The following MYOM1 variants were observed in gnomAD, a reference collection of about 807,000 sequenced individuals.
The protein encoded by MYOM1 is myomesin 1.
In MYOM1, 164 loss-of-function variants were observed where a neutral mutation model predicts 205.3. The ratio of observed to expected loss-of-function variants is 0.80; its 90% CI spans 0.70 to 0.91. The LOEUF (loss-of-function observed/expected upper bound fraction) is 0.91. Ranked by LOEUF, MYOM1 falls within the 40% of genes least tolerant of loss-of-function variation. The pLI, the probability that MYOM1 is intolerant of heterozygous loss-of-function variation, is 0.00. For synonymous variants in MYOM1, 772 were observed against 789.4 expected (o/e 0.98, Z 0.37); for missense variants, 2,011 against 2,127.3 (o/e 0.95, Z 1.08).
intron 11 of MYOM1, among the ~76,000 whole-genome samples, chr18:3,153,214 G>A (rs573356921): frequency 9.2e-4 from 140 of 152,266 alleles, no homozygotes; most frequent in African/African-American, 2.8e-3. Flanking sequence ...GACACTTTCC[G>A]CAGCACGTTG....
rs398041147 is a variant in MYOM1 at position 3,085,229 on chromosome 18, C to CTT, written c.4252-99_4252-98dup. The CTT allele has an allele frequency of 9.1e-5, 12 of 131,658 alleles. 1 individual carries two copies. The highest frequency in any genetic ancestry group is 2.1e-4 in the African/African-American group (3 of 13,984). 8.2% of individuals were successfully genotyped at this position (131,658 alleles called of 1,614,324 possible). On this transcript the variant is annotated intron_variant, in intron 30 of 37. Coordinates refer to ENST00000356443, the MANE Select transcript of MYOM1 (RefSeq NM_003803.4). ...TCTTCTGCTTCTTCTGCTGCTGCTGCTTTTTTTTTTTTTTTTTTTTTTTTT... is the reference window on the plus strand; with the variant it reads ...TCTTCTGCTTCTTCTGCTGCTGCTGCTTTTTTTTTTTTTTTTTTTTTTTTTTT...
At chr18:3,206,134 C>T (rs1409278591) in intron 2 of MYOM1, among the ~76,000 whole-genome samples, 1 of 152,210 alleles carries the variant, frequency 6.6e-6, no homozygotes, top group Non-Finnish European at 1.5e-5. Context: ...CGTGGAAGAG[C>T]TGGACATTCA....
intron 2 of MYOM1, among the ~76,000 whole-genome samples, chr18:3,199,045 T>C (rs1446164937): frequency 6.6e-6 from 1 of 152,158 alleles, no homozygotes; most frequent in South Asian, 2.1e-4. Context: ...GAATTCGCTA[T>C]TCATAGAACA....
Position 3,100,435 on chromosome 18 carries a change from CA to C in MYOM1, c.3576-10del. On this transcript the variant is annotated splice_polypyrimidine_tract_variant and intron_variant, in intron 23 of 37. Coordinates refer to ENST00000356443, the MANE Select transcript of MYOM1 (RefSeq NM_003803.4). ...TGAAGGTCATTTTCGTCCTTCGGAA[CA>C]AAATATTTTTCTTAGAAATGAGGCT... 6.2e-7 allele frequency: 1 copy of C among 1,602,828 alleles called. No individual in the cohort carries two copies. The highest frequency in any genetic ancestry group is 8.5e-7 in the Non-Finnish European group (1 of 1,171,026).
chr18:3,124,340 G>A (rs917852929), intron 19 of MYOM1, among the ~76,000 whole-genome samples: 7 of 130,424 alleles, frequency 5.4e-5, no homozygotes, highest in East Asian at 4.3e-4. Flanking sequence ...TCACTCTGTC[G>A]CCCAGGCTGG....
chr18:3,123,330 T>C (rs763687837), intron 19 of MYOM1, among the ~76,000 whole-genome samples: 3 of 152,200 alleles, frequency 2.0e-5, no homozygotes, highest in Non-Finnish European at 4.4e-5. Flanking sequence ...AATAATTATA[T>C]GTGAAATCAA....
At position 3,152,622 on chromosome 18, in the gene MYOM1, A is replaced by C. The variant is rs1168671067; in HGVS notation, c.1644-729T>G. On this transcript the variant is annotated intron_variant, in intron 11 of 37. Coordinates refer to ENST00000356443, the MANE Select transcript of MYOM1 (RefSeq NM_003803.4). The surrounding 1 kb of genome is among the most constrained non-coding windows in gnomAD (Gnocchi z 4.3). ...CAGCTCATATCATGCTGTTGGCCTGATCAACAAAGCTTTAGGGGTTCAACA... is the reference window on the plus strand; with the variant it reads ...CAGCTCATATCATGCTGTTGGCCTGCTCAACAAAGCTTTAGGGGTTCAACA... 6.6e-6 allele frequency among the ~76,000 whole-genome samples: 1 copy of C among 152,170 alleles called. No homozygotes were observed. Among genetic ancestry groups the C allele is most frequent in the Non-Finnish European group, 1.5e-5 (1 of 68,022 alleles).
intron 14 of MYOM1, among the ~76,000 whole-genome samples, chr18:3,138,088 G>A (rs1439289255): frequency 1.3e-5 from 2 of 152,168 alleles, no homozygotes; most frequent in Non-Finnish European, 2.9e-5. Context: ...AATGAAGGAC[G>A]TGGTGTATAT....
In MYOM1 at chr18:3,116,512, G is replaced by A; in HGVS notation, c.3122C>T (p.Pro1041Leu). 2.0e-6 allele frequency: 3 copies of A among 1,528,466 alleles called. No homozygotes were observed. Among genetic ancestry groups the A allele is most frequent in the Non-Finnish European group, 2.6e-6 (3 of 1,134,356 alleles). 94.7% of individuals were successfully genotyped at this position (1,528,466 alleles called of 1,614,324 possible). ...TTCACTACACTTGAGACTGTGCGGTGGTCCTGAGAGAGAGAGAAGCCAATG... is the reference window on the plus strand; with the variant it reads ...TTCACTACACTTGAGACTGTGCGGTAGTCCTGAGAGAGAGAGAAGCCAATG... ...CEEWTIAVPG[P>L]PHSLKCSEVR... The change falls in exon 21 of 38, where the codon CCA becomes CTA. Residue 1041 changes from proline (P) to leucine (L), a missense_variant. Coordinates refer to ENST00000356443, the MANE Select transcript of MYOM1 (RefSeq NM_003803.4).
intron 20 of MYOM1, among the ~76,000 whole-genome samples, chr18:3,118,561 TG>T (rs2079639640): frequency 6.6e-6 from 1 of 152,056 alleles, no homozygotes; most frequent in Non-Finnish European, 1.5e-5. Flanking sequence ...CTTGAACCCC[TG>T]GGCTCAGGCA....
At chr18:3,170,468 T>G (rs1214378138) in intron 8 of MYOM1, among the ~76,000 whole-genome samples, 1 of 152,178 alleles carries the variant, frequency 6.6e-6, no homozygotes, top group Non-Finnish European at 1.5e-5. Context: ...TTAAAATAAG[T>G]TGCTTCAGTT....
At chr18:3,142,283 G>T (rs759823830) in intron 13 of MYOM1, among the ~76,000 whole-genome samples, 11 of 151,822 alleles carry the variant, frequency 7.2e-5, no homozygotes, top group Non-Finnish European at 1.3e-4. Context: ...TGGAGGGGGG[G>T]AAGGGTTTCA....
the MYOM1 span, among the ~76,000 whole-genome samples, chr18:3,231,867 T>G: frequency 7.1e-6 from 1 of 140,598 alleles, no homozygotes; most frequent in African/African-American, 2.6e-5. Context: ...TTTTTTTTTT[T>G]TAGTTAATTG....
the MYOM1 span, chr18:3,246,753 C>T: frequency 1.3e-5 from 2 of 152,302 alleles, no homozygotes; most frequent in Non-Finnish European, 2.9e-5. Context: ...CCACGGGAGC[C>T]ACACTGGTCA....
chr18:3,194,277 T>C (rs1193577348), intron 2 of MYOM1, among the ~76,000 whole-genome samples: 2 of 152,220 alleles, frequency 1.3e-5, no homozygotes, highest in Non-Finnish European at 2.9e-5. Flanking sequence ...TAATGTCATG[T>C]TGGAAATTTA....
At chr18:3,200,127 C>A (rs1431522920) in intron 2 of MYOM1, among the ~76,000 whole-genome samples, 1 of 152,080 alleles carries the variant, frequency 6.6e-6, no homozygotes, top group African/African-American at 2.4e-5. Context: ...TGAGATCACA[C>A]CACTGCACTC....
intron 21 of MYOM1, among the ~76,000 whole-genome samples, chr18:3,116,127 TA>T (rs1415296360): frequency 1.3e-5 from 2 of 152,302 alleles, no homozygotes; most frequent in Admixed American, 1.3e-4. Flanking sequence ...AAAGCTATGC[TA>T]AGGAATTCAG....
At chr18:3,076,237 T>A (rs2079019695) in intron 34 of MYOM1, among the ~76,000 whole-genome samples, 1 of 152,096 alleles carries the variant, frequency 6.6e-6, no homozygotes. Flanking sequence ...CCAGTTAATT[T>A]TTGTGTTTTT....
In MYOM1 at chr18:3,219,253, G is replaced by A. The variant is rs908171962; in HGVS notation, c.-29+550C>T. Among the ~76,000 whole-genome samples, 1 of 152,096 alleles carries A rather than the reference G, an allele frequency of 6.6e-6. No homozygotes were observed. The highest frequency in any genetic ancestry group is 2.4e-5 in the African/African-American group (1 of 41,446). On this transcript the variant is annotated intron_variant, in intron 1 of 37. Transcript: ENST00000356443. This position sits in a 1 kb window ranked among gnomAD's most constrained non-coding sequence, Gnocchi z 4.4. ...AAACGATTCCCAGAAAAATCACTAT[G>A]TGGGGCTCTATGTTGCCTCTGAAAT...
Sources: gnomAD v4.1 joint callset for allele counts (sites outside exome capture counted in the v4.1 genomes callset) on GRCh38, gnomAD v4.1.1 for gene constraint, Gnocchi (gnomAD v3.1) non-coding constraint, MANE v1.5 for transcripts, NCBI Gene and HGNC (gene_info 2026-07-23, HGNC 2026-07-21) for gene names.